The following PDE6C variants were observed in gnomAD, a reference collection of about 807,000 sequenced individuals.
The protein encoded by PDE6C is cone cGMP-specific 3',5'-cyclic phosphodiesterase subunit alpha'.
Under a neutral mutation model 113.1 loss-of-function variants are expected in PDE6C, and 75 were observed. The ratio of observed to expected loss-of-function variants is 0.66; its 90% CI spans 0.55 to 0.80. The LOEUF (loss-of-function observed/expected upper bound fraction) is 0.80. PDE6C is among the 30% of genes least tolerant of loss of function. PDE6C has a pLI of 0.00. For missense variants in PDE6C, 912 were observed against 1,038.6 expected (o/e 0.88, Z 1.67); for synonymous variants, 375 against 363.7 (o/e 1.03, Z -0.35).
intron 8 of PDE6C, 132 bp from the exon 9 acceptor site, chr10:93,634,626 T>C (rs2058519053): frequency 2.3e-6 from 2 of 867,560 alleles, no homozygotes; most frequent in Admixed American, 2.1e-5. Flanking sequence ...TAACCATCAT[T>C]ACCATTGTGT....
intron 8 of PDE6C, among the ~76,000 whole-genome samples, chr10:93,630,527 T>A (rs903912344): frequency 3.9e-5 from 6 of 152,018 alleles, no homozygotes; most frequent in Admixed American, 3.9e-4. Flanking sequence ...GGCATTTGGC[T>A]CCACAGCCTC....
chr10:93,618,985 A>C (rs1342505432), intron 1 of PDE6C, among the ~76,000 whole-genome samples: 3 of 152,238 alleles, frequency 2.0e-5, no homozygotes, highest in African/African-American at 7.2e-5. Flanking sequence ...TACCGCACTA[A>C]TTTTGGCCAA....
chr10:93,661,865 T>C (rs906198928), intron 18 of PDE6C, among the ~76,000 whole-genome samples, 194 bp from the exon 19 acceptor site: 8 of 152,258 alleles, frequency 5.3e-5, no homozygotes, highest in African/African-American at 1.7e-4. Flanking sequence ...AACACTGAAG[T>C]AGGAAGAAAA....
At chr10:93,647,178 C>A (rs503758) in intron 15 of PDE6C, among the ~76,000 whole-genome samples, 34,136 of 151,958 alleles carry the variant, frequency 0.22, 4,288 homozygotes, top group Admixed American at 0.33. Flanking sequence ...CGTTCCAAAC[C>A]AAAAATGATT....
In PDE6C at chr10:93,665,573, C is replaced by T; in HGVS notation, c.*155C>T. 3.2e-6 allele frequency: 2 copies of T among 620,578 alleles called. No individual in the cohort carries two copies. The highest frequency in any genetic ancestry group is 5.7e-6 in the Non-Finnish European group (2 of 350,972). The allele number at this position is 620,578 out of a possible 1,614,324, so 38.4% of individuals were successfully genotyped here. ...AATATATATTGCTAGCCCAAAAATC[C>T]CAGGGGCAAAATAAAGTTCAACAAA... On this transcript the variant is annotated 3_prime_UTR_variant, in exon 22 of 22. Coordinates refer to ENST00000371447, the MANE Select transcript of PDE6C (RefSeq NM_006204.4).
chr10:93,613,611 C>T (rs181949387), intron 1 of PDE6C, among the ~76,000 whole-genome samples: 206 of 152,258 alleles, frequency 1.4e-3, no homozygotes, highest in African/African-American at 4.7e-3. Context: ...GCCCAGATGC[C>T]AAGACTTGTG....
chr10:93,624,400 A>T (rs2058462483), intron 4 of PDE6C, among the ~76,000 whole-genome samples: 1 of 151,966 alleles, frequency 6.6e-6, no homozygotes, highest in African/African-American at 2.4e-5. Context: ...CACCACGTCC[A>T]CTGATTTTCG....
chr10:93,662,489 T>TG, intron 19 of PDE6C, 71 bp from the exon 20 acceptor site: 1 of 632,926 alleles, frequency 1.6e-6, no homozygotes, highest in Non-Finnish European at 2.9e-6. Context: ...AAAAAAGTTA[T>TG]CAGGACAAAT....
chr10:93,649,050 A>G (rs2058597211), intron 15 of PDE6C, among the ~76,000 whole-genome samples: 1 of 152,210 alleles, frequency 6.6e-6, no homozygotes. Flanking sequence ...GGCCTCAGCT[A>G]GCTCGAGAGC....
intron 11 of PDE6C, among the ~76,000 whole-genome samples, chr10:93,639,099 G>C (rs571933086): frequency 6.6e-6 from 1 of 152,206 alleles, no homozygotes; most frequent in East Asian, 1.9e-4. Context: ...GATCTGTCTG[G>C]TAGGCCCACA....
chr10:93,654,750 TTTTC>T (rs1218959114), intron 15 of PDE6C, among the ~76,000 whole-genome samples: 2,832 of 120,594 alleles, frequency 0.023, 79 homozygotes, highest in African/African-American at 0.051. Flanking sequence ...TATATACTCA[TTTTC>T]TTTCTTTCTT....
intron 14 of PDE6C, among the ~76,000 whole-genome samples, chr10:93,644,960 A>T (rs930480155): frequency 3.0e-5 from 4 of 132,356 alleles, no homozygotes; most frequent in African/African-American, 1.0e-4. Flanking sequence ...AGCCACCAAA[A>T]TAATGAAATC....
Position 93,634,897 on chromosome 10 carries a change from A to G in PDE6C, c.1259A>G (p.Tyr420Cys). ...DGKPFDEHDEYITETLTQFLG... is the reference protein window; with the variant it reads ...DGKPFDEHDECITETLTQFLG... ...AAACCTTTCGATGAGCATGATGAATACATTACCGAGGCAAGTGCAATAATA... is the reference window on the plus strand; with the variant it reads ...AAACCTTTCGATGAGCATGATGAATGCATTACCGAGGCAAGTGCAATAATA... The change falls in exon 9 of 22, where the codon TAC becomes TGC. Residue 420 changes from tyrosine (Y) to cysteine (C), a missense_variant. Physicochemically the swap from Tyr to Cys is radical, Grantham distance 194. Coordinates refer to ENST00000371447, the MANE Select transcript of PDE6C (RefSeq NM_006204.4). The G allele has an allele frequency of 1.2e-6, 2 of 1,614,098 alleles. No homozygotes were observed. The highest frequency in any genetic ancestry group is 1.7e-6 in the Non-Finnish European group (2 of 1,179,982).
chr10:93,626,718 G>C lies in PDE6C; in HGVS notation c.1004+14G>C. ...CAAAGTGATTCCGTGAGTATTGGCA[G>C]GAAGTTGCTGCCGCAGTTGCCGTTG... On this transcript the variant is annotated intron_variant, in intron 6 of 21. Coordinates refer to ENST00000371447, the MANE Select transcript of PDE6C (RefSeq NM_006204.4). 1 of 1,603,838 alleles carries C rather than the reference G, an allele frequency of 6.2e-7. No individual in the cohort carries two copies. Among genetic ancestry groups the C allele is most frequent in the Non-Finnish European group, 8.5e-7 (1 of 1,170,640 alleles).
chr10:93,650,649 G>T (rs1418622251), intron 15 of PDE6C, among the ~76,000 whole-genome samples: 1 of 152,148 alleles, frequency 6.6e-6, no homozygotes, highest in Admixed American at 6.5e-5. Flanking sequence ...TTTTGAAATG[G>T]AAAGAATTGC....
intron 11 of PDE6C, among the ~76,000 whole-genome samples, chr10:93,638,668 T>C (rs1227026214): frequency 1.3e-5 from 2 of 152,180 alleles, no homozygotes; most frequent in African/African-American, 2.4e-5. Context: ...TTGCATAAAA[T>C]TGAGGAACGT....
chr10:93,616,845 G>A (rs914325854), intron 1 of PDE6C, among the ~76,000 whole-genome samples: 4 of 152,022 alleles, frequency 2.6e-5, no homozygotes, highest in African/African-American at 9.7e-5. Context: ...GTAGAGACAG[G>A]GTTTCACCAT....
At chr10:93,662,400 C>G (rs1207186931) in intron 19 of PDE6C, among the ~76,000 whole-genome samples, 160 bp from the exon 20 acceptor site, 1 of 144,456 alleles carries the variant, frequency 6.9e-6, no homozygotes, top group Non-Finnish European at 1.5e-5. Context: ...AAGGCGAAGG[C>G]TGCAGTGAGC....
chr10:93,660,241 T>TTTA (rs1184961283), intron 18 of PDE6C, among the ~76,000 whole-genome samples: 1 of 152,088 alleles, frequency 6.6e-6, no homozygotes, highest in Non-Finnish European at 1.5e-5. Context: ...AGCGTACACG[T>TTTA]TTATTTGTTT....
Sources: allele counts gnomAD v4.1 joint callset (sites outside exome capture counted in the v4.1 genomes callset), GRCh38; gene constraint gnomAD v4.1.1; transcripts MANE v1.5; gene names NCBI Gene and HGNC (gene_info 2026-07-23, HGNC 2026-07-21).